Variants in AKNA observed in about 807,000 individuals in gnomAD.
AKNA encodes the protein AT-hook transcription factor, also known as microtubule organization protein AKNA.
In AKNA, 67 loss-of-function variants were observed where a neutral mutation model predicts 138.8. The ratio of observed to expected loss-of-function variants is 0.48; its 90% CI spans 0.40 to 0.59. The LOEUF is 0.59. Ranked by LOEUF, AKNA falls within the 20% of genes least tolerant of loss-of-function variation. The pLI is 0.00. For missense variants in AKNA, 1,813 were observed against 1,880.4 expected (o/e 0.96, Z 0.66); for synonymous variants, 737 against 754.4 (o/e 0.98, Z 0.38).
At chr9:114,378,508 C>T (rs1242464903) in intron 2 of AKNA, among the ~76,000 whole-genome samples, 1 of 152,128 alleles carries the variant, frequency 6.6e-6, no homozygotes, top group Non-Finnish European at 1.5e-5. Context: ...ATTATATTTG[C>T]AGTGCCGGTA....
At chr9:114,369,147 T>C (rs564000636) in intron 4 of AKNA, among the ~76,000 whole-genome samples, 1 of 152,348 alleles carries the variant, frequency 6.6e-6, no homozygotes, top group Non-Finnish European at 1.5e-5. Flanking sequence ...AGCGGATCTC[T>C]ATCATTTGAG....
intron 3 of AKNA, among the ~76,000 whole-genome samples, chr9:114,375,329 C>T (rs569709779): frequency 3.3e-4 from 50 of 152,032 alleles, no homozygotes; most frequent in Middle Eastern, 3.4e-3. Context: ...GGAGGACGGA[C>T]TAAGAGAGTA....
Position 114,359,926 on chromosome 9 carries a change from A to G in AKNA, c.2261T>C (p.Met754Thr). The change falls in exon 10 of 22, where the codon ATG becomes ACG. Residue 754 changes from methionine to threonine, a missense_variant. Coordinates refer to ENST00000374088, the MANE Select transcript of AKNA (RefSeq NM_001317950.2). The part of the protein sequence containing the change: ...LARLRHKELQ[M>T]EQVYHGLMER... ...CATGAGGCCATGGTAAACTTGCTCC[A>G]TCTGCAGCTCCTTGTGCCTGAGTCG... 1 of 1,614,200 alleles carries G rather than the reference A, an allele frequency of 6.2e-7. No homozygotes were observed.
Position 114,362,526 on chromosome 9 carries a change from T to C in AKNA, c.1796A>G (p.Gln599Arg). 1.2e-6 allele frequency: 2 copies of C among 1,613,002 alleles called. No individual in the cohort carries two copies. Among genetic ancestry groups the C allele is most frequent in the Non-Finnish European group, 1.7e-6 (2 of 1,179,760 alleles). Residue 599 changes from glutamine to arginine, a missense_variant, in exon 8 of 22, where the codon CAG (glutamine) becomes CGG (arginine). Coordinates refer to ENST00000374088, the MANE Select transcript of AKNA (RefSeq NM_001317950.2). ...GGCCGCGTGGGCAGCCTTCAGCCGC[T>C]GGAAGCCCTGAAACCAGACCAGGCC... ...LMPQDQVKGF[Q>R]RLKAAHAALE... is the part of the protein sequence containing the mutation.
At position 114,335,331 on chromosome 9, in the gene AKNA, C is replaced by T. The variant is rs1433567423; in HGVS notation, c.*1723G>A. ...GTTTGGGCAGATGGCCCATTGGAACCCCACTCTCCTCATCAGTAAAAGGGG... is the reference window on the plus strand; with the variant it reads ...GTTTGGGCAGATGGCCCATTGGAACTCCACTCTCCTCATCAGTAAAAGGGG... On this transcript the variant is annotated 3_prime_UTR_variant, in exon 22 of 22. Coordinates refer to ENST00000374088, the MANE Select transcript of AKNA (RefSeq NM_001317950.2). 2 of 152,222 alleles carry T rather than the reference C, an allele frequency of 1.3e-5. No individual in the cohort carries two copies. Among genetic ancestry groups the T allele is most frequent in the Admixed American group, 6.5e-5 (1 of 15,272 alleles). The allele number at this position is 152,222 out of a possible 1,614,324, so 9.4% of individuals were successfully genotyped here. A position where few individuals can be genotyped will look rare whatever the true frequency, so the allele number is the denominator to read the frequency against.
chr9:114,374,015 C>T, intron 4 of AKNA, 78 bp downstream of exon 4: 3 of 1,449,050 alleles, frequency 2.1e-6, no homozygotes, highest in South Asian at 1.2e-5. Flanking sequence ...GAGGCAGTGG[C>T]CTTTCTCTAG....
chr9:114,383,183 G>A (rs1337021683), intron 1 of AKNA: 2 of 455,952 alleles, frequency 4.4e-6, no homozygotes, highest in African/African-American at 4.0e-5. Context: ...ATGAACCAGG[G>A]AGGCTGGCCA....
Position 114,336,775 on chromosome 9 carries a change from A to T in AKNA, c.*279T>A. On this transcript the variant is annotated 3_prime_UTR_variant, in exon 22 of 22. Transcript: ENST00000374088. ...AGTTGCACACATGCAGGACCAGGAG[A>T]GACTGCCTGAGGTTCTGCCTGGACC... 2.5e-6 allele frequency: 1 copy of T among 400,408 alleles called. No homozygotes were observed. Among genetic ancestry groups the T allele is most frequent in the Non-Finnish European group, 4.4e-6 (1 of 226,562 alleles). 24.8% of individuals were successfully genotyped at this position (400,408 alleles called of 1,614,324 possible). A position where few individuals can be genotyped will look rare whatever the true frequency, so the allele number is the denominator to read the frequency against.
At chr9:114,332,636 G>T (rs556575436), downstream of AKNA, among the ~76,000 whole-genome samples, 1 of 152,180 alleles carries the variant, frequency 6.6e-6, no homozygotes, top group South Asian at 2.1e-4. Context: ...AGGATCCTGG[G>T]ACAGGGCTTA....
chr9:114,391,982 C>T (rs568223242), upstream of AKNA, among the ~76,000 whole-genome samples: 1 of 149,420 alleles, frequency 6.7e-6, no homozygotes, highest in South Asian at 2.1e-4. Context: ...GTCTGCAGAA[C>T]CCTGCCAGCC....
intron 1 of AKNA, among the ~76,000 whole-genome samples, chr9:114,383,360 TGCCAGCACTGA>T (rs1833821640): frequency 1.3e-5 from 2 of 152,148 alleles, no homozygotes; most frequent in Non-Finnish European, 2.9e-5. Context: ...GCTTCCTCTA[TGCCAGCACTGA>T]GCCAGGCCCA....
chr9:114,394,809 G>C (rs1348599116), upstream of AKNA, among the ~76,000 whole-genome samples: 1 of 152,236 alleles, frequency 6.6e-6, no homozygotes, highest in Non-Finnish European at 1.5e-5. Flanking sequence ...GTGGGGGACT[G>C]AGTGTGCCTC....
intron 2 of AKNA, among the ~76,000 whole-genome samples, chr9:114,380,265 T>C (rs549943377): frequency 2.0e-5 from 3 of 152,340 alleles, no homozygotes; most frequent in Non-Finnish European, 4.4e-5. Flanking sequence ...CATTCATCAC[T>C]GCATTATTTA....
At position 114,337,297 on chromosome 9, in the gene AKNA, C is replaced by T. The variant is rs925297640; in HGVS notation, c.4077G>A (p.Ala1359=). Reference sequence around the variant, plus strand: ...GTTGGGCTGAGGTAGGTCCTGCAGGCGCATAGTACCTGAGGAGAGAAGTGA... The same window carrying T: ...GTTGGGCTGAGGTAGGTCCTGCAGGTGCATAGTACCTGAGGAGAGAAGTGA... ...MPYPPAAVYY[A]PAGPTSAQPA... is the part of the protein sequence containing the mutation. The change falls in exon 22 of 22, where the codon GCG becomes GCA. Residue 1359 remains alanine (A), a synonymous_variant. Coordinates refer to ENST00000374088, the MANE Select transcript of AKNA (RefSeq NM_001317950.2). The T allele has an allele frequency of 2.1e-5, 32 of 1,496,860 alleles. No homozygotes were observed. Among genetic ancestry groups the T allele is most frequent in the South Asian group, 4.0e-5 (3 of 74,908 alleles). 92.7% of individuals were successfully genotyped at this position (1,496,860 alleles called of 1,614,324 possible).
chr9:114,378,183 C>T (rs530198127), intron 2 of AKNA, among the ~76,000 whole-genome samples: 25 of 152,304 alleles, frequency 1.6e-4, no homozygotes, highest in Admixed American at 3.9e-4. Context: ...GTGCACACAA[C>T]GCTCCTCCCA....
Position 114,346,528 on chromosome 9 carries a change from C to A in AKNA, c.3514+141G>T, listed in dbSNP as rs73548999. The A allele has an allele frequency of 7.5e-3, 4,627 of 618,998 alleles. 144 individuals carry two copies. The African/African-American group carries it at 0.077, about 10-fold the overall frequency. 38.3% of individuals were successfully genotyped at this position (618,998 alleles called of 1,614,324 possible). On this transcript the variant is annotated intron_variant, in intron 17 of 21. Transcript: ENST00000374088. ...GACTTTAGAAGTGCTCTGTGCTTCA[C>A]AGCACTATAATATCCTAAAACAGAT...
chr9:114,377,335 T>A lies in AKNA; in HGVS notation c.472A>T (p.Thr158Ser). The change falls in exon 3 of 22, where the codon ACC becomes TCC. Residue 158 changes from threonine to serine, a missense_variant. Thr to Ser is a moderately conservative substitution (Grantham distance 58). Coordinates refer to ENST00000374088, the MANE Select transcript of AKNA (RefSeq NM_001317950.2). Reference sequence around the variant, plus strand: ...CCATGCCCAAGAGCCATGGGGCTGGTGTTTCCATGGCCTTCCAAGCTGAGA... The same window carrying A: ...CCATGCCCAAGAGCCATGGGGCTGGAGTTTCCATGGCCTTCCAAGCTGAGA... ...AGLSLEGHGNTSPMALGHGQA... is the reference protein window; with the variant it reads ...AGLSLEGHGNSSPMALGHGQA... 6.2e-7 allele frequency: 1 copy of A among 1,614,034 alleles called. No homozygotes were observed. Among genetic ancestry groups the A allele is most frequent in the Non-Finnish European group, 8.5e-7 (1 of 1,179,958 alleles).
chr9:114,359,409 A>G lies in AKNA; in HGVS notation c.2492+185T>C, dbSNP rs1300115687. On this transcript the variant is annotated intron_variant, in intron 11 of 21. Transcript: ENST00000374088. ...TAATACTGCATGTGTCCTACTGAAAATCATGTCCCACACTACCCAAAATCA... is the reference window on the plus strand; with the variant it reads ...TAATACTGCATGTGTCCTACTGAAAGTCATGTCCCACACTACCCAAAATCA... 5 of 1,186,640 alleles carry G rather than the reference A, an allele frequency of 4.2e-6. No individual in the cohort carries two copies. In the African/African-American group the frequency reaches 7.8e-5, roughly 19 times the overall value. The allele number at this position is 1,186,640 out of a possible 1,614,324, so 73.5% of individuals were successfully genotyped here. A position where few individuals can be genotyped will look rare whatever the true frequency, so the allele number is the denominator to read the frequency against.
chr9:114,389,101 C>T (rs894271750), upstream of AKNA, among the ~76,000 whole-genome samples: 1 of 152,152 alleles, frequency 6.6e-6, no homozygotes, highest in African/African-American at 2.4e-5. Flanking sequence ...GAAGAGGGGT[C>T]AAAAGCAAGC....
Sources: gnomAD v4.1 joint callset for allele counts (sites outside exome capture counted in the v4.1 genomes callset) on GRCh38, gnomAD v4.1.1 for gene constraint, MANE v1.5 for transcripts, NCBI Gene and HGNC (gene_info 2026-07-23, HGNC 2026-07-21) for gene names.